The following AIG1 variants were observed in gnomAD, a reference collection of about 807,000 sequenced individuals.
AIG1 encodes androgen induced 1.
Under a neutral mutation model 31.4 loss-of-function variants are expected in AIG1, and 23 were observed. The ratio of observed to expected loss-of-function variants is 0.73; its 90% CI spans 0.53 to 1.04. The LOEUF (loss-of-function observed/expected upper bound fraction) is 1.04. Among genes scored for constraint, AIG1 ranks in the 50% least tolerant of loss-of-function variants. AIG1 has a pLI of 0.00. For missense variants in AIG1, 274 were observed against 295.0 expected (o/e 0.93, Z 0.52); for synonymous variants, 100 against 110.5 (o/e 0.90, Z 0.60).
intron 3 of AIG1, among the ~76,000 whole-genome samples, chr6:143,266,928 A>G (rs1308326779): frequency 6.6e-6 from 1 of 152,214 alleles, no homozygotes; most frequent in Non-Finnish European, 1.5e-5. Context: ...GTAAGAATTC[A>G]TTAAGGACAA....
At position 143,180,299 on chromosome 6, in the gene AIG1, C is replaced by A. The variant is rs117231186; in HGVS notation, c.399+15116C>A. Among the ~76,000 whole-genome samples the A allele has an allele frequency of 6.4e-3, 977 of 152,276 alleles. 8 individuals carry two copies. Among genetic ancestry groups the A allele is most frequent in the Non-Finnish European group, 0.011 (762 of 68,026 alleles). ...GGATGAGAAAAACACAAAACAGATGCAGTTTTAAAGGTTGGAAATGGCATA... is the reference window on the plus strand; with the variant it reads ...GGATGAGAAAAACACAAAACAGATGAAGTTTTAAAGGTTGGAAATGGCATA... On this transcript the variant is annotated intron_variant, in intron 3 of 5. Transcript: ENST00000357847.
At chr6:143,171,773 T>A (rs1787666791) in intron 3 of AIG1, among the ~76,000 whole-genome samples, 1 of 151,660 alleles carries the variant, frequency 6.6e-6, no homozygotes, top group Admixed American at 6.6e-5. Context: ...TCCATAGTGG[T>A]TGTACTAGTT....
At chr6:143,070,708 C>T (rs902023647) in intron 1 of AIG1, among the ~76,000 whole-genome samples, 1 of 152,176 alleles carries the variant, frequency 6.6e-6, no homozygotes, top group South Asian at 2.1e-4. Flanking sequence ...ATAACTAACT[C>T]TCCTGTGATA....
chr6:143,072,272 G>A lies in AIG1; in HGVS notation c.141+11206G>A, dbSNP rs1276855513. On this transcript the variant is annotated intron_variant, in intron 1 of 5. Coordinates refer to ENST00000357847, the MANE Select transcript of AIG1 (RefSeq NM_016108.4). The stretch of plus-strand genomic sequence containing the variant: ...TTTAATGTGTATATTTTGACCTTAT[G>A]TCCTGGTGATTTAACTAAACTTATT... 3.9e-5 allele frequency among the ~76,000 whole-genome samples: 6 copies of A among 152,218 alleles called. 1 individual carries two copies. The highest frequency in any genetic ancestry group is 1.4e-4 in the African/African-American group (6 of 41,528).
chr6:143,264,783 C>A (rs1421727655), intron 3 of AIG1, among the ~76,000 whole-genome samples: 1 of 152,204 alleles, frequency 6.6e-6, no homozygotes, highest in Non-Finnish European at 1.5e-5. Context: ...CCAAAGCATA[C>A]TGCTCTCTGC....
chr6:143,185,212 T>C (rs941151442), intron 3 of AIG1, among the ~76,000 whole-genome samples: 33 of 150,892 alleles, frequency 2.2e-4, no homozygotes, highest in Admixed American at 9.2e-4. Context: ...AAAAAAAAAT[T>C]CAATCTCATA....
chr6:143,305,106 T>C (rs1799160965), intron 4 of AIG1, among the ~76,000 whole-genome samples: 1 of 152,188 alleles, frequency 6.6e-6, no homozygotes, highest in Non-Finnish European at 1.5e-5. Context: ...GTCTATCGGA[T>C]TCTTCTCTCT....
chr6:143,139,177 G>A (rs1419684009), intron 2 of AIG1, among the ~76,000 whole-genome samples: 3 of 152,028 alleles, frequency 2.0e-5, no homozygotes, highest in Non-Finnish European at 4.4e-5. Context: ...AACAAGTGGT[G>A]GCCTTTTTGT....
intron 1 of AIG1, among the ~76,000 whole-genome samples, chr6:143,066,627 CA>C (rs1268967357): frequency 6.6e-6 from 1 of 151,530 alleles, no homozygotes; most frequent in East Asian, 1.9e-4. Context: ...TGTGATATAA[CA>C]AAAAAATGTA....
intron 3 of AIG1, among the ~76,000 whole-genome samples, chr6:143,170,105 A>G (rs1319809105): frequency 6.6e-6 from 1 of 152,090 alleles, no homozygotes; most frequent in Admixed American, 6.6e-5. Context: ...GCATCATAGA[A>G]TGAGTTAGGA....
At chr6:143,189,623 T>G (rs938589706) in intron 3 of AIG1, 1 of 985,434 alleles carries the variant, frequency 1.0e-6, no homozygotes, top group African/African-American at 1.7e-5. Flanking sequence ...TACCCTACTA[T>G]CTTTTTTGAT....
At position 143,172,882 on chromosome 6, in the gene AIG1, G is replaced by A. The variant is rs530337943; in HGVS notation, c.399+7699G>A. On this transcript the variant is annotated intron_variant, in intron 3 of 5. Transcript: ENST00000357847. Reference sequence around the variant, plus strand: ...GTGTTCACCGTAGCCTTGAATGATCGTTTGTGTTTCTGTGGTATCAGTTGT... The same window carrying A: ...GTGTTCACCGTAGCCTTGAATGATCATTTGTGTTTCTGTGGTATCAGTTGT... Among the ~76,000 whole-genome samples, 30 of 152,118 alleles carry A rather than the reference G, an allele frequency of 2.0e-4. 1 individual carries two copies. The South Asian group carries it at 2.1e-3, about 11-fold the overall frequency.
chr6:143,233,143 C>A (rs1793568486), intron 3 of AIG1, among the ~76,000 whole-genome samples: 1 of 152,286 alleles, frequency 6.6e-6, no homozygotes, highest in African/African-American at 2.4e-5. Context: ...CACCACCCAA[C>A]CCTCTTGTCC....
chr6:143,071,738 C>T (rs1234507005), intron 1 of AIG1, among the ~76,000 whole-genome samples: 1 of 151,078 alleles, frequency 6.6e-6, no homozygotes, highest in African/African-American at 2.4e-5. Flanking sequence ...TCTTTCTCCT[C>T]CCCCTCTTCC....
chr6:143,343,567 C>T (rs144904279), downstream of AIG1, among the ~76,000 whole-genome samples: 4 of 151,898 alleles, frequency 2.6e-5, no homozygotes, highest in African/African-American at 9.7e-5. Context: ...ATAGTTGTGA[C>T]GTAAAGGTTT....
chr6:143,214,110 A>C (rs1791820474), intron 3 of AIG1, among the ~76,000 whole-genome samples: 1 of 152,210 alleles, frequency 6.6e-6, no homozygotes, highest in Admixed American at 6.5e-5. Flanking sequence ...ACTCTTGATA[A>C]CTTGCCTCAT....
intron 2 of AIG1, among the ~76,000 whole-genome samples, chr6:143,158,308 T>C (rs1785998767): frequency 6.6e-6 from 1 of 152,146 alleles, no homozygotes; most frequent in Non-Finnish European, 1.5e-5. Flanking sequence ...ATTTCCCCAG[T>C]GCTCCCATGC....
At chr6:143,206,227 C>T (rs1358343670) in intron 3 of AIG1, among the ~76,000 whole-genome samples, 3 of 152,188 alleles carry the variant, frequency 2.0e-5, no homozygotes, top group Non-Finnish European at 4.4e-5. Context: ...GGCAACTTTC[C>T]ACAATGCAGT....
At chr6:143,061,170 G>A (rs1776219247) in intron 1 of AIG1, 104 bp downstream of exon 1, 2 of 1,409,666 alleles carry the variant, frequency 1.4e-6, no homozygotes, top group Non-Finnish European at 2.0e-6. Flanking sequence ...ACCTGCGCAC[G>A]TGCGCGCCTC....
Sources: gnomAD v4.1 joint callset for allele counts (sites outside exome capture counted in the v4.1 genomes callset) on GRCh38, gnomAD v4.1.1 for gene constraint, MANE v1.5 for transcripts, NCBI Gene and HGNC (gene_info 2026-07-23, HGNC 2026-07-21) for gene names.